MKX: variants seen among roughly 807,000 people sequenced by gnomAD.
MKX encodes homeobox protein Mohawk.
A neutral mutation model predicts 36.0 loss-of-function variants in MKX; 13 were observed. The ratio of observed to expected loss-of-function variants is 0.36; its 90% confidence interval spans 0.24 to 0.57. The LOEUF is 0.57. Ranked by LOEUF, MKX falls within the 20% of genes least tolerant of loss-of-function variation. The pLI, the probability that MKX is intolerant of heterozygous loss-of-function variation, is 0.79. For synonymous variants in MKX, 176 were observed against 178.3 expected (o/e 0.99, Z 0.10); for missense variants, 458 against 456.4 (o/e 1.00, Z -0.03).
chr10:27,741,299 GC>G lies in MKX; in HGVS notation c.348+45del, dbSNP rs1834887799. On this transcript the variant is annotated intron_variant, in intron 3 of 6. Coordinates refer to ENST00000419761, the MANE Select transcript of MKX (RefSeq NM_173576.3). The surrounding 1 kb of genome is among the most constrained non-coding windows in gnomAD (Gnocchi z 5.1). ...GAACTCTAAGCGTTCCCGCTCTTCA[GC>G]CCCTCGCGGGAAAACGGATCAGGGT... is the stretch of plus-strand genomic sequence containing the variant. 6.2e-7 allele frequency: 1 copy of G among 1,604,920 alleles called. No individual in the cohort carries two copies. Among genetic ancestry groups the G allele is most frequent in the African/African-American group, 1.3e-5 (1 of 74,380 alleles).
intron 5 of MKX, among the ~76,000 whole-genome samples, chr10:27,726,929 G>A (rs953718183): frequency 1.3e-5 from 2 of 152,004 alleles, no homozygotes; most frequent in African/African-American, 4.8e-5. Flanking sequence ...GTAAATACGT[G>A]AAAGACACGG....
In MKX at chr10:27,672,990, A is replaced by G. The variant is rs1437522094; in HGVS notation, c.*2239T>C. ...AGAATAGAGGTAATTCTATTTCTCTACAACATAAATTATGAGTTAGATTTT... is the reference window on the plus strand; with the variant it reads ...AGAATAGAGGTAATTCTATTTCTCTGCAACATAAATTATGAGTTAGATTTT... On this transcript the variant is annotated 3_prime_UTR_variant, in exon 7 of 7. Coordinates refer to ENST00000419761, the MANE Select transcript of MKX (RefSeq NM_173576.3). 1 of 152,260 alleles carries G rather than the reference A, an allele frequency of 6.6e-6. No individual in the cohort carries two copies. The highest frequency in any genetic ancestry group is 1.5e-5 in the Non-Finnish European group (1 of 68,046). 9.4% of individuals were successfully genotyped at this position (152,260 alleles called of 1,614,324 possible). A position where few individuals can be genotyped will look rare whatever the true frequency, so the allele number is the denominator to read the frequency against.
rs118144480 is a variant in MKX at position 27,714,278 on chromosome 10, G to A, written c.838+20178C>T. On this transcript the variant is annotated intron_variant, in intron 5 of 6. Coordinates refer to ENST00000419761, the MANE Select transcript of MKX (RefSeq NM_173576.3). ...TAAAATGTATGTAGAGCAGCTTGGA[G>A]CCATGTTTTAAAATGTTCCATGTTA... Among the ~76,000 whole-genome samples, 1,366 of 152,198 alleles carry A rather than the reference G, an allele frequency of 9.0e-3. 10 individuals are homozygous for A. The highest frequency in any genetic ancestry group is 0.013 in the Non-Finnish European group (902 of 68,012).
At position 27,675,227 on chromosome 10, in the gene MKX, T is replaced by C. The variant is rs1836122172; in HGVS notation, c.*2A>G. Reference sequence around the variant, plus strand: ...CCATTGGATCTGAAAAGCAACAAGCTCTTAAAACTGCTGCACCAGCGGCAC... The same window carrying C: ...CCATTGGATCTGAAAAGCAACAAGCCCTTAAAACTGCTGCACCAGCGGCAC... On this transcript the variant is annotated 3_prime_UTR_variant, in exon 7 of 7. Transcript: ENST00000419761. The C allele has an allele frequency of 1.2e-6, 2 of 1,612,762 alleles. No individual in the cohort carries two copies. The highest frequency in any genetic ancestry group is 1.3e-5 in the African/African-American group (1 of 74,846).
chr10:27,711,363 T>C (rs1054291699), intron 5 of MKX, among the ~76,000 whole-genome samples: 15 of 152,170 alleles, frequency 9.9e-5, no homozygotes, highest in Admixed American at 7.9e-4. Context: ...CTATTCTTAT[T>C]TCATAATTGT....
chr10:27,711,253 T>C (rs938276219), intron 5 of MKX, among the ~76,000 whole-genome samples: 18 of 152,316 alleles, frequency 1.2e-4, no homozygotes, highest in Admixed American at 5.2e-4. Context: ...CAGAATAACA[T>C]AGCTTCATAT....
chr10:27,676,371 T>A (rs1424853148), intron 5 of MKX, among the ~76,000 whole-genome samples: 7 of 150,852 alleles, frequency 4.6e-5, no homozygotes, highest in Non-Finnish European at 4.4e-5. Context: ...AATTTTCTTT[T>A]TTCTTTTTCT....
chr10:27,708,207 G>A (rs1200395961), intron 5 of MKX, among the ~76,000 whole-genome samples: 2 of 152,128 alleles, frequency 1.3e-5, no homozygotes, highest in East Asian at 1.9e-4. Flanking sequence ...GATGCTGGCC[G>A]TAGAGAACTC....
chr10:27,695,992 A>G (rs956120121), intron 5 of MKX, among the ~76,000 whole-genome samples: 2 of 134,514 alleles, frequency 1.5e-5, no homozygotes, highest in Admixed American at 7.1e-5. Flanking sequence ...ATAATAACCT[A>G]TTAGCTATTT....
chr10:27,687,878 T>C (rs1836386404), intron 5 of MKX, among the ~76,000 whole-genome samples: 1 of 152,206 alleles, frequency 6.6e-6, no homozygotes, highest in Non-Finnish European at 1.5e-5. Flanking sequence ...TTCTCGTTTC[T>C]ATTCTTGGCT....
In MKX at chr10:27,743,507, G is replaced by A. The variant is rs1032828425; in HGVS notation, c.-82-10C>T. 3.0e-6 allele frequency: 4 copies of A among 1,322,060 alleles called. No individual in the cohort carries two copies. Among genetic ancestry groups the A allele is most frequent in the Non-Finnish European group, 3.0e-6 (3 of 991,580 alleles). The allele number at this position is 1,322,060 out of a possible 1,614,324, so 81.9% of individuals were successfully genotyped here. On this transcript the variant is annotated splice_polypyrimidine_tract_variant and intron_variant, in intron 1 of 6. Transcript: ENST00000419761. ...CAGCGGGGCTCGGCTTCTAGGAGAG[G>A]AAGGTGCATCTCGTTACTTACTGGC... is the stretch of plus-strand genomic sequence containing the variant.
chr10:27,700,428 G>A (rs16928192), intron 5 of MKX, among the ~76,000 whole-genome samples: 9,463 of 152,134 alleles, frequency 0.062, 871 homozygotes, highest in African/African-American at 0.2. Context: ...CTACATCTTG[G>A]AGTAATGTTT....
intron 5 of MKX, among the ~76,000 whole-genome samples, chr10:27,731,165 T>A (rs182184209): frequency 1.1e-3 from 168 of 148,524 alleles, no homozygotes; most frequent in Middle Eastern, 3.6e-3. Context: ...AAAAGAAAAG[T>A]TCCTCAGCAA....
rs568742906 is a variant in MKX at position 27,715,158 on chromosome 10, T to C, written c.838+19298A>G. On this transcript the variant is annotated intron_variant, in intron 5 of 6. Coordinates refer to ENST00000419761, the MANE Select transcript of MKX (RefSeq NM_173576.3). Reference sequence around the variant, plus strand: ...GCAATTGCTGTACTTTCCTTTATCATAGTTTTGGCCTCCATGGCTCTCAGG... The same window carrying C: ...GCAATTGCTGTACTTTCCTTTATCACAGTTTTGGCCTCCATGGCTCTCAGG... Among the ~76,000 whole-genome samples the C allele has an allele frequency of 6.6e-5, 10 of 152,002 alleles. No individual in the cohort carries two copies. In the South Asian group the frequency reaches 1.9e-3, roughly 29 times the overall value.
rs1160942197 is a variant in MKX at position 27,744,018 on chromosome 10, T to C, written c.-82-521A>G. Among the ~76,000 whole-genome samples the C allele has an allele frequency of 3.3e-5, 5 of 152,098 alleles. No individual in the cohort carries two copies. Among genetic ancestry groups the C allele is most frequent in the Admixed American group, 6.5e-5 (1 of 15,276 alleles). ...CCCCCAGCTCATGAGTCCCAGGCCA[T>C]ACCGGGATTTGGGGGATTTTCGTGT... On this transcript the variant is annotated intron_variant, in intron 1 of 6. Coordinates refer to ENST00000419761, the MANE Select transcript of MKX (RefSeq NM_173576.3). This position sits in a 1 kb window ranked among gnomAD's most constrained non-coding sequence, Gnocchi z 5.6.
intron 3 of MKX, among the ~76,000 whole-genome samples, chr10:27,736,712 A>G (rs185366676): frequency 1.3e-5 from 2 of 150,936 alleles, no homozygotes; most frequent in African/African-American, 2.4e-5. Flanking sequence ...TATTCTACTT[A>G]AAAAAAAATC....
intron 5 of MKX, among the ~76,000 whole-genome samples, chr10:27,716,906 C>A (rs1836975805): frequency 6.6e-6 from 1 of 152,058 alleles, no homozygotes. Flanking sequence ...AATCAGTTGA[C>A]CTTAAATAGG....
At chr10:27,699,410 GA>G (rs779082957) in intron 5 of MKX, among the ~76,000 whole-genome samples, 9 of 152,224 alleles carry the variant, frequency 5.9e-5, no homozygotes, top group Non-Finnish European at 1.2e-4. Flanking sequence ...GGGACTTGTG[GA>G]AAGTGCAAAG....
chr10:27,675,129 T>C lies in MKX; in HGVS notation c.*100A>G. The stretch of plus-strand genomic sequence containing the variant: ...TGGGATAATTAAAAATAAGAAGAGG[T>C]TTGGGAGAGAGTCATTTTCATCCCT... On this transcript the variant is annotated 3_prime_UTR_variant, in exon 7 of 7. Transcript: ENST00000419761. 1.8e-6 allele frequency: 2 copies of C among 1,119,690 alleles called. No individual in the cohort carries two copies. The highest frequency in any genetic ancestry group is 4.8e-5 in the East Asian group (2 of 41,830). The allele number at this position is 1,119,690 out of a possible 1,614,324, so 69.4% of individuals were successfully genotyped here. A position where few individuals can be genotyped will look rare whatever the true frequency, so the allele number is the denominator to read the frequency against.
Sources: allele counts gnomAD v4.1 joint callset (sites outside exome capture counted in the v4.1 genomes callset), GRCh38; gene constraint gnomAD v4.1.1; non-coding constraint Gnocchi (gnomAD v3.1); transcripts MANE v1.5; gene names NCBI Gene and HGNC (gene_info 2026-07-23, HGNC 2026-07-21).